The following BPIFB6 variants were observed in gnomAD, a reference collection of about 807,000 sequenced individuals.
BPIFB6 encodes BPI fold-containing family B member 6.
BPIFB6 carries 47 observed loss-of-function variants against 54.7 expected under a neutral mutation model. The ratio of observed to expected loss-of-function variants is 0.86; its 90% CI spans 0.68 to 1.10. The LOEUF (loss-of-function observed/expected upper bound fraction) is 1.10. Among genes scored for constraint, BPIFB6 ranks in the 50% least tolerant of loss-of-function variants. The probability of loss-of-function intolerance (pLI) is 0.00; values close to 1 mark genes in which losing one functional copy is unlikely to be tolerated. For synonymous variants in BPIFB6, 255 were observed against 225.9 expected, an observed-to-expected ratio of 1.13 and a Z score of -1.16; for missense variants, 603 against 564.1, an observed-to-expected ratio of 1.07 and a Z score of -0.70.
intron 12 of BPIFB6, 76 bp downstream of exon 12, chr20:33,042,091 C>T (rs377381987): frequency 2.0e-5 from 29 of 1,477,960 alleles, no homozygotes; most frequent in South Asian, 6.9e-5. Context: ...ACTACAGGGC[C>T]GAGGCCCTGA....
rs371663070 is a variant in BPIFB6, at chr20:33,040,345, A to G, written c.1142+27A>G. On this transcript the variant is annotated intron_variant, in intron 11 of 14. Transcript: ENST00000349552. ...TACGACCCTGCTGCCCAATGCTGGC[A>G]TCCCTGTTACCTTCACATTTGGCCT... 227 of 1,609,252 alleles carry G rather than the reference A, an allele frequency of 1.4e-4. No homozygotes were observed. In the Middle Eastern group the frequency reaches 1.5e-3, roughly 11 times the overall value.
At chr20:33,034,020 T>C (rs1345873977) in intron 2 of BPIFB6, among the ~76,000 whole-genome samples, 166 bp from the exon 3 acceptor site, 1 of 150,536 alleles carries the variant, frequency 6.6e-6, no homozygotes, top group African/African-American at 2.5e-5. Context: ...ATGTCCAGCC[T>C]TTTGTTTTGC....
intron 8 of BPIFB6, among the ~76,000 whole-genome samples, chr20:33,038,097 C>G (rs769805125): frequency 6.6e-6 from 1 of 152,162 alleles, no homozygotes; most frequent in Non-Finnish European, 1.5e-5. Flanking sequence ...CAACTAGCAT[C>G]CATCCATCCC....
intron 9 of BPIFB6, 101 bp downstream of exon 9, chr20:33,039,063 T>A: frequency 7.5e-7 from 1 of 1,341,366 alleles, no homozygotes; most frequent in Non-Finnish European, 1.1e-6. Flanking sequence ...TCATGCCACA[T>A]ATTCCTTGTC....
At chr20:33,036,664 G>A in intron 7 of BPIFB6, 128 bp downstream of exon 7, 5 of 863,004 alleles carry the variant, frequency 5.8e-6, no homozygotes, top group Non-Finnish European at 9.6e-6. Context: ...AAGCCGTGGA[G>A]GCCAATGCCA....
rs753717166 is a variant in BPIFB6, at chr20:33,039,477, G to A, written c.1031G>A (p.Arg344Gln). Residue 344 changes from arginine to glutamine, a missense_variant, in exon 10 of 15, where the codon CGG becomes CAG. Coordinates refer to ENST00000349552, the MANE Select transcript of BPIFB6 (RefSeq NM_174897.2). ...AGCACCCTGGAGATGTTCGCAGCTC[G>A]GTGGCGGAGCAAGGCTCCAATGTCC... ...LHSTLEMFAA[R>Q]WRSKAPMSLF... The A allele has an allele frequency of 2.1e-5, 34 of 1,613,812 alleles. No homozygotes were observed. Among genetic ancestry groups the A allele is most frequent in the African/African-American group, 4.0e-5 (3 of 74,934 alleles).
chr20:33,034,519 GT>G (rs1694094658), intron 3 of BPIFB6, among the ~76,000 whole-genome samples: 1 of 152,202 alleles, frequency 6.6e-6, no homozygotes, highest in African/African-American at 2.4e-5. Flanking sequence ...GTCAGAAAAG[GT>G]TATGGGGAGG....
At position 33,031,888 on chromosome 20, in the gene BPIFB6, A is replaced by G. The variant is rs879100284; in HGVS notation, c.97+144A>G. The G allele has an allele frequency of 1.0e-5, 7 of 677,194 alleles. No individual in the cohort carries two copies. In the South Asian group the frequency reaches 1.0e-4, roughly 10 times the overall value. The allele number at this position is 677,194 out of a possible 1,614,324, so 41.9% of individuals were successfully genotyped here. ...AAGCAAGTGTTATTATTATTCTCCC[A>G]CTTTACAGAGGGGAGAAACCAAGGA... On this transcript the variant is annotated intron_variant, in intron 1 of 14. Coordinates refer to ENST00000349552, the MANE Select transcript of BPIFB6 (RefSeq NM_174897.2).
chr20:33,039,700 G>A (rs1449551302), intron 10 of BPIFB6, among the ~76,000 whole-genome samples, 180 bp downstream of exon 10: 3 of 152,234 alleles, frequency 2.0e-5, no homozygotes, highest in Admixed American at 6.5e-5. Flanking sequence ...GAAAATGGAG[G>A]GTCAGTGGCT....
In BPIFB6 at chr20:33,043,835, G is replaced by T. The variant is rs115106027; in HGVS notation, c.1330-180G>T. Among the ~76,000 whole-genome samples, 1,297 of 152,238 alleles carry T rather than the reference G, an allele frequency of 8.5e-3. 15 individuals carry two copies. Among genetic ancestry groups the T allele is most frequent in the African/African-American group, 0.03 (1,237 of 41,536 alleles). ...GGGTGCTTGTCCTCACTTAACAGTT[G>T]AGAAAATTGAGGGTAAGAGAGGTGA... On this transcript the variant is annotated intron_variant, in intron 14 of 14. Transcript: ENST00000349552.
At chr20:33,036,359 G>A (rs751298001) in intron 6 of BPIFB6, 86 bp from the exon 7 acceptor site, 45 of 1,143,526 alleles carry the variant, frequency 3.9e-5, no homozygotes, top group Non-Finnish European at 5.1e-5. Flanking sequence ...GGAGGGCCAG[G>A]TGCAGGTAGC....
intron 7 of BPIFB6, 120 bp downstream of exon 7, chr20:33,036,656 G>T: frequency 1.1e-6 from 1 of 910,996 alleles, no homozygotes; most frequent in Middle Eastern, 2.3e-4. Flanking sequence ...GGCCCCTCAA[G>T]CCGTGGAGGC....
chr20:33,043,952 A>C lies in BPIFB6; in HGVS notation c.1330-63A>C, dbSNP rs1332185148. 1.9e-6 allele frequency: 3 copies of C among 1,585,492 alleles called. No individual in the cohort carries two copies. The African/African-American group carries it at 4.0e-5, about 21-fold the overall frequency. On this transcript the variant is annotated intron_variant, in intron 14 of 14. Coordinates refer to ENST00000349552, the MANE Select transcript of BPIFB6 (RefSeq NM_174897.2). ...ATTTCCTGACAAGGGGCCCAGTTCCATTCCATCCCTGGGCCTAGGTGGTCC... is the reference window on the plus strand; with the variant it reads ...ATTTCCTGACAAGGGGCCCAGTTCCCTTCCATCCCTGGGCCTAGGTGGTCC...
chr20:33,044,010 G>T lies in BPIFB6; in HGVS notation c.1330-5G>T. The T allele has an allele frequency of 6.2e-7, 1 of 1,614,104 alleles. No individual in the cohort carries two copies. Among genetic ancestry groups the T allele is most frequent in the East Asian group, 2.2e-5 (1 of 44,864 alleles). Reference sequence around the variant, plus strand: ...TTGCTCTCCTACCCCTTTGCCTTTTGCCAGAATGCCCTGATGCTGGACTTG... The same window carrying T: ...TTGCTCTCCTACCCCTTTGCCTTTTTCCAGAATGCCCTGATGCTGGACTTG... On this transcript the variant is annotated splice_polypyrimidine_tract_variant and splice_region_variant and intron_variant, in intron 14 of 14. Transcript: ENST00000349552.
chr20:33,036,211 C>T (rs538290294), intron 6 of BPIFB6, among the ~76,000 whole-genome samples: 1 of 152,230 alleles, frequency 6.6e-6, no homozygotes, highest in East Asian at 1.9e-4. Flanking sequence ...AAGGTCCAAG[C>T]AGTGATGGCC....
At chr20:33,033,470 G>A in intron 2 of BPIFB6, 1 of 454,316 alleles carries the variant, frequency 2.2e-6, no homozygotes, top group Admixed American at 2.4e-5. Context: ...TGGTTCCTCT[G>A]CCAGTGCCAC....
intron 13 of BPIFB6, 147 bp downstream of exon 13, chr20:33,043,025 G>A: frequency 1.3e-6 from 1 of 767,296 alleles, no homozygotes; most frequent in Non-Finnish European, 2.1e-6. Flanking sequence ...AATCTTTGAA[G>A]TGAATATAGT....
intron 3 of BPIFB6, 44 bp from the exon 4 acceptor site, chr20:33,034,719 C>T (rs770118210): frequency 4.7e-5 from 74 of 1,565,280 alleles, no homozygotes; most frequent in Non-Finnish European, 6.1e-5. Flanking sequence ...AGAGCGGACA[C>T]CATGGCAGAG....
Position 33,040,282 on chromosome 20 carries a change from A to G in BPIFB6, c.1106A>G (p.His369Arg), listed in dbSNP as rs1166758261. Residue 369 changes from histidine (H) to arginine (R), a missense_variant, in exon 11 of 15, where the codon CAT (histidine) becomes CGT (arginine). By Grantham distance (29) the His-to-Arg change is conservative. Transcript: ENST00000349552. ...HFNLKVQYSV[H>R]ENQLQMATSL... ...AATCTGAAGGTCCAGTACTCAGTGC[A>G]TGAGAACCAGCTGCAGATGGCCACT... is the stretch of plus-strand genomic sequence containing the variant. 2 of 1,614,148 alleles carry G rather than the reference A, an allele frequency of 1.2e-6. No individual in the cohort carries two copies. Among genetic ancestry groups the G allele is most frequent in the East Asian group, 2.2e-5 (1 of 44,886 alleles).
Sources: gnomAD v4.1 joint callset for allele counts (sites outside exome capture counted in the v4.1 genomes callset) on GRCh38, gnomAD v4.1.1 for gene constraint, MANE v1.5 for transcripts, NCBI Gene and HGNC (gene_info 2026-07-23, HGNC 2026-07-21) for gene names.